The following DPYD variants were observed in gnomAD, a reference collection of about 807,000 sequenced individuals.
DPYD encodes the protein dihydropyrimidine dehydrogenase, also known as dihydropyrimidine dehydrogenase [NADP(+)].
A neutral mutation model predicts 116.2 loss-of-function variants in DPYD; 109 were observed. The observed-to-expected ratio is 0.94, with a 90% confidence interval of 0.80 to 1.10. DPYD has a LOEUF of 1.10. Among genes scored for constraint, DPYD ranks in the 50% least tolerant of loss-of-function variants. DPYD has a pLI of 0.00. For synonymous variants in DPYD, 440 were observed against 432.0 expected, an observed-to-expected ratio of 1.02 and a Z score of -0.23; for missense variants, 1,302 against 1,254.5, an observed-to-expected ratio of 1.04 and a Z score of -0.57.
chr1:97,907,965 T>C (rs1023917097), intron 1 of DPYD, among the ~76,000 whole-genome samples: 5 of 152,100 alleles, frequency 3.3e-5, no homozygotes, highest in African/African-American at 9.7e-5. Flanking sequence ...TTCTAGGTTC[T>C]GGCAATCCTT....
intron 3 of DPYD, among the ~76,000 whole-genome samples, chr1:97,789,482 C>T (rs1667208687): frequency 6.6e-6 from 1 of 152,116 alleles, no homozygotes; most frequent in Non-Finnish European, 1.5e-5. Flanking sequence ...AGATACAAAA[C>T]CCTGCATGGT....
intron 20 of DPYD, among the ~76,000 whole-genome samples, chr1:97,160,304 G>C (rs971962336): frequency 1.5e-4 from 23 of 151,534 alleles, no homozygotes; most frequent in Non-Finnish European, 1.6e-4. Context: ...TATTTCAGTA[G>C]AATGGGAAGC....
intron 3 of DPYD, among the ~76,000 whole-genome samples, chr1:97,766,074 C>T (rs1665836298): frequency 1.3e-5 from 2 of 151,872 alleles, no homozygotes; most frequent in African/African-American, 4.8e-5. Flanking sequence ...AGAAACTCTA[C>T]TAAAAAAACA....
chr1:97,382,890 G>GAA (rs145744856), intron 14 of DPYD, among the ~76,000 whole-genome samples: 1 of 151,512 alleles, frequency 6.6e-6, no homozygotes, highest in Non-Finnish European at 1.5e-5. Flanking sequence ...TGATGGAAAA[G>GAA]AAAAAAAATA....
At chr1:97,605,607 A>T (rs1655538177) in intron 8 of DPYD, among the ~76,000 whole-genome samples, 1 of 152,060 alleles carries the variant, frequency 6.6e-6, no homozygotes, top group South Asian at 2.1e-4. Context: ...ATTTCTTCAT[A>T]GCAGCGTGAG....
chr1:97,393,668 C>T (rs1488584036), intron 14 of DPYD, among the ~76,000 whole-genome samples: 2 of 152,022 alleles, frequency 1.3e-5, no homozygotes, highest in African/African-American at 2.4e-5. Flanking sequence ...GTATATGTTC[C>T]ACATTTTCTT....
chr1:97,324,285 T>C (rs898309339), intron 16 of DPYD, among the ~76,000 whole-genome samples: 9 of 152,060 alleles, frequency 5.9e-5, no homozygotes, highest in Non-Finnish European at 1.3e-4. Context: ...AGAGTGTTAA[T>C]TGATACAGGC....
chr1:97,164,743 G>A (rs1340829047), intron 20 of DPYD, among the ~76,000 whole-genome samples: 1 of 152,030 alleles, frequency 6.6e-6, no homozygotes, highest in Non-Finnish European at 1.5e-5. Flanking sequence ...GCTACAATGA[G>A]GATTATAAAA....
chr1:97,529,295 C>T (rs893229260), intron 12 of DPYD, among the ~76,000 whole-genome samples: 2 of 152,134 alleles, frequency 1.3e-5, no homozygotes, highest in Non-Finnish European at 2.9e-5. Context: ...CTATCAAGTG[C>T]ATTCTATACG....
At chr1:97,431,272 GAAAA>G (rs565395199) in intron 14 of DPYD, among the ~76,000 whole-genome samples, 1 of 151,662 alleles carries the variant, frequency 6.6e-6, no homozygotes, top group Non-Finnish European at 1.5e-5. Context: ...AGAATAAAAA[GAAAA>G]AAAATGAACA....
intron 19 of DPYD, among the ~76,000 whole-genome samples, chr1:97,220,260 A>T (rs945232141): frequency 6.6e-6 from 1 of 152,050 alleles, no homozygotes; most frequent in African/African-American, 2.4e-5. Flanking sequence ...GAAAGACCTG[A>T]ACTAGCGCAT....
intron 3 of DPYD, among the ~76,000 whole-genome samples, chr1:97,805,390 A>G (rs1361179128): frequency 6.6e-6 from 1 of 151,900 alleles, no homozygotes. Context: ...ATATAGGGGA[A>G]AAAAGACAGT....
At chr1:97,236,327 C>G (rs936614547) in intron 18 of DPYD, among the ~76,000 whole-genome samples, 5 of 151,892 alleles carry the variant, frequency 3.3e-5, no homozygotes, top group Non-Finnish European at 7.4e-5. Context: ...TATGTATTTA[C>G]TGGAGTGCTT....
At chr1:97,734,754 A>T (rs1295356079) in intron 4 of DPYD, among the ~76,000 whole-genome samples, 2 of 152,226 alleles carry the variant, frequency 1.3e-5, no homozygotes, top group Non-Finnish European at 2.9e-5. Flanking sequence ...ATCATCTTAA[A>T]GGCATTTGCC....
chr1:97,145,861 T>C (rs1654587069), intron 20 of DPYD, among the ~76,000 whole-genome samples: 1 of 151,776 alleles, frequency 6.6e-6, no homozygotes, highest in Non-Finnish European at 1.5e-5. Flanking sequence ...CAGGCCCTGC[T>C]GGTGCCAGGG....
At chr1:97,846,476 C>A (rs1212646113) in intron 2 of DPYD, among the ~76,000 whole-genome samples, 1 of 152,190 alleles carries the variant, frequency 6.6e-6, no homozygotes, top group African/African-American at 2.4e-5. Flanking sequence ...TGGCATCTGA[C>A]TCGGGGGAAG....
rs1480683366 is a variant in DPYD at position 97,852,648 on chromosome 1, A to T, written c.151-24452T>A. Among the ~76,000 whole-genome samples, 5 of 152,140 alleles carry T rather than the reference A, an allele frequency of 3.3e-5. No homozygotes were observed. In the South Asian group the frequency reaches 1.0e-3, roughly 31 times the overall value. On this transcript the variant is annotated intron_variant, in intron 2 of 22. Coordinates refer to ENST00000370192, the MANE Select transcript of DPYD (RefSeq NM_000110.4). ...TATAATGCCAACTATTTTTCGTCTT[A>T]CTCAAATTCAACTGATCTGATGCTC...
chr1:97,655,880 G>A (rs1295961681), intron 8 of DPYD, among the ~76,000 whole-genome samples: 1 of 152,128 alleles, frequency 6.6e-6, no homozygotes, highest in Admixed American at 6.6e-5. Context: ...ACTGTTTTGG[G>A]AGAAATCAGG....
intron 16 of DPYD, among the ~76,000 whole-genome samples, chr1:97,313,101 T>G (rs1386609649): frequency 6.6e-6 from 1 of 151,828 alleles, no homozygotes; most frequent in Non-Finnish European, 1.5e-5. Flanking sequence ...CATCTGATAT[T>G]AAGTGTCACA....
Sources: gnomAD v4.1 joint callset for allele counts (sites outside exome capture counted in the v4.1 genomes callset) on GRCh38, gnomAD v4.1.1 for gene constraint, MANE v1.5 for transcripts, NCBI Gene and HGNC (gene_info 2026-07-23, HGNC 2026-07-21) for gene names.